TRPA1: variants seen among roughly 807,000 people sequenced by gnomAD.
TRPA1 encodes the protein ankyrin-like with transmembrane domains 1.
Under a neutral mutation model 131.3 loss-of-function variants are expected in TRPA1, and 129 were observed. The ratio of observed to expected loss-of-function variants is 0.98; its 90% confidence interval spans 0.85 to 1.14. The LOEUF is 1.14. Ranked by LOEUF, TRPA1 falls within the 50% of genes most tolerant of loss-of-function variation. TRPA1 has a pLI of 0.00. For synonymous variants in TRPA1, 441 were observed against 451.7 expected (o/e 0.98, Z 0.30); for missense variants, 1,304 against 1,354.2 (o/e 0.96, Z 0.58).
At chr8:72,053,007 A>AAGAGAGAGAGAGAG (rs57169742) in intron 13 of TRPA1, 50 of 232,136 alleles carry the variant, frequency 2.2e-4, no homozygotes, top group East Asian at 1.8e-3. Context: ...GAGATAGAGA[A>AAGAGAGAGAGAGAG]AGAGAGAGAG....
chr8:72,070,400 CCATT>C (rs1161060289), intron 2 of TRPA1, among the ~76,000 whole-genome samples: 1 of 152,150 alleles, frequency 6.6e-6, no homozygotes, highest in Non-Finnish European at 1.5e-5. Flanking sequence ...AAGAATCACT[CCATT>C]CATCATTCCA....
chr8:72,085,665 GC>G, the TRPA1 span, among the ~76,000 whole-genome samples: 1 of 151,600 alleles, frequency 6.6e-6, no homozygotes. Flanking sequence ...TAGATGTGTT[GC>G]ATGCAAGCAG....
At chr8:72,072,075 A>AT (rs1286862254) in intron 1 of TRPA1, among the ~76,000 whole-genome samples, 8 of 152,170 alleles carry the variant, frequency 5.3e-5, no homozygotes, top group Non-Finnish European at 5.9e-5. Context: ...CATGAAATAA[A>AT]TTTTTTTATC....
chr8:72,061,245 A>T (rs553261939), intron 7 of TRPA1, among the ~76,000 whole-genome samples: 13 of 152,200 alleles, frequency 8.5e-5, no homozygotes, highest in Admixed American at 7.2e-4. Flanking sequence ...TGACATATCC[A>T]TATGTATCTG....
intron 26 of TRPA1, 87 bp from the exon 27 acceptor site, chr8:72,023,203 G>C: frequency 2.4e-6 from 1 of 410,920 alleles, no homozygotes; most frequent in Admixed American, 4.7e-5. Context: ...TTTAACCTCG[G>C]TCCCTTCTGA....
At chr8:72,034,157 T>G in intron 22 of TRPA1, 91 bp downstream of exon 22, 2 of 1,274,868 alleles carry the variant, frequency 1.6e-6, no homozygotes, top group Non-Finnish European at 2.2e-6. Flanking sequence ...GTTATGTAAT[T>G]ATGCATTTTC....
intron 17 of TRPA1, among the ~76,000 whole-genome samples, chr8:72,044,843 G>A (rs1430620882): frequency 2.6e-5 from 4 of 151,952 alleles, no homozygotes; most frequent in African/African-American, 9.6e-5. Context: ...ATCAGGTGCT[G>A]TTTTGATATC....
chr8:72,069,236 T>C, intron 2 of TRPA1, 38 bp from the exon 3 acceptor site: 1 of 1,609,440 alleles, frequency 6.2e-7, no homozygotes, highest in Non-Finnish European at 8.5e-7. Context: ...AAATTTTGCT[T>C]AGACTGTATT....
At chr8:72,033,895 A>G (rs1811931887) in intron 22 of TRPA1, 69 bp from the exon 23 acceptor site, 1 of 1,439,492 alleles carries the variant, frequency 6.9e-7, no homozygotes, top group Non-Finnish European at 9.7e-7. Context: ...TCCTGGAGGT[A>G]GAATGATAAA....
upstream of TRPA1, chr8:72,076,536 G>T (rs141924824): frequency 1.3e-5 from 2 of 152,452 alleles, no homozygotes; most frequent in African/African-American, 4.8e-5. Context: ...GCTTCCTGAA[G>T]GCCCTGGATT....
At position 72,038,906 on chromosome 8, in the gene TRPA1, T is replaced by C; in HGVS notation, c.2254A>G (p.Ile752Val). The stretch of plus-strand genomic sequence containing the variant: ...TCTGAATGATCACTAGTTTCATTGA[T>C]GATGCCAGTTGAGTTGAAAGCCATT... ...PGMAFNSTGI[I>V]NETSDHSEIL... The change falls in exon 19 of 27, where the codon ATC (isoleucine) becomes GTC (valine). Residue 752 changes from isoleucine (I) to valine (V), a missense_variant. Coordinates refer to ENST00000262209, the MANE Select transcript of TRPA1 (RefSeq NM_007332.3). 6.2e-7 allele frequency: 1 copy of C among 1,612,978 alleles called. No homozygotes were observed. The highest frequency in any genetic ancestry group is 8.5e-7 in the Non-Finnish European group (1 of 1,179,350).
chr8:72,064,294 A>G (rs1805878964), intron 4 of TRPA1, among the ~76,000 whole-genome samples: 1 of 150,654 alleles, frequency 6.6e-6, no homozygotes, highest in African/African-American at 2.4e-5. Context: ...GAGTCCAGAA[A>G]TTGAAGATGT....
Position 72,062,792 on chromosome 8 carries a change from G to A in TRPA1, c.807+7C>T, listed in dbSNP as rs1267130481. ...ATAAAAGTGTTATATAGAATATGAA[G>A]AGTTACCTCCACTGGGTCTATTTGT... On this transcript the variant is annotated splice_region_variant and intron_variant, in intron 6 of 26. Coordinates refer to ENST00000262209, the MANE Select transcript of TRPA1 (RefSeq NM_007332.3). The A allele has an allele frequency of 9.9e-6, 16 of 1,613,568 alleles. No homozygotes were observed. The highest frequency in any genetic ancestry group is 1.7e-5 in the Admixed American group (1 of 59,954).
At chr8:72,053,348 A>C (rs959045390) in intron 13 of TRPA1, 18 of 253,426 alleles carry the variant, frequency 7.1e-5, no homozygotes, top group Non-Finnish European at 7.7e-5. Context: ...ACATTTCAAA[A>C]GTTACTCTCC....
At chr8:72,068,008 G>A (rs982298580) in intron 3 of TRPA1, among the ~76,000 whole-genome samples, 2 of 152,190 alleles carry the variant, frequency 1.3e-5, no homozygotes. Context: ...AGCCAGTAGG[G>A]AAGAAAAGCA....
chr8:72,023,647 T>C, intron 26 of TRPA1, 167 bp downstream of exon 26: 1 of 555,648 alleles, frequency 1.8e-6, no homozygotes, highest in South Asian at 2.3e-5. Flanking sequence ...AAATATGTTG[T>C]TGGTTCTAAA....
chr8:72,050,875 T>C lies in TRPA1; in HGVS notation c.1812-4A>G. The C allele has an allele frequency of 6.3e-7, 1 of 1,585,276 alleles. No homozygotes were observed. Among genetic ancestry groups the C allele is most frequent in the South Asian group, 1.1e-5 (1 of 90,506 alleles). ...AATCTTAAGACATTCATCCCATCTG[T>C]AAAAAATAAATAAGTAAGATAAGCA... On this transcript the variant is annotated splice_polypyrimidine_tract_variant and splice_region_variant and intron_variant, in intron 14 of 26. Coordinates refer to ENST00000262209, the MANE Select transcript of TRPA1 (RefSeq NM_007332.3).
chr8:72,057,012 G>A lies in TRPA1; in HGVS notation c.1099C>T (p.Gln367Ter), dbSNP rs763082667. The change falls in exon 10 of 27, where the codon CAA becomes TAA. Residue 367 changes from glutamine to a stop codon, truncating the protein, a stop_gained. Coordinates refer to ENST00000262209, the MANE Select transcript of TRPA1 (RefSeq NM_007332.3). LOFTEE classifies it high-confidence loss of function. ...IVNLLLSKGA[Q>*]VDIKDNFGRN... ...CCAAAATTATCTTTTATGTCTACTT[G>A]GGCACCTAAAAAAAAACACTATGTA... 2 of 1,600,020 alleles carry A rather than the reference G, an allele frequency of 1.2e-6. No homozygotes were observed. Among genetic ancestry groups the A allele is most frequent in the Non-Finnish European group, 1.7e-6 (2 of 1,171,450 alleles).
At chr8:72,054,007 A>G (rs2129435355) in intron 12 of TRPA1, 140 bp from the exon 13 acceptor site, 2 of 667,704 alleles carry the variant, frequency 3.0e-6, no homozygotes, top group Admixed American at 4.4e-5. Context: ...TTTATAAAAC[A>G]TTTATAATAA....
Sources: allele counts gnomAD v4.1 joint callset (sites outside exome capture counted in the v4.1 genomes callset), GRCh38; gene constraint gnomAD v4.1.1; transcripts MANE v1.5; gene names NCBI Gene and HGNC (gene_info 2026-07-23, HGNC 2026-07-21).